NRDC: variants seen among roughly 807,000 people sequenced by gnomAD.
NRDC encodes nardilysin convertase, also known as nardilysin.
NRDC carries 54 observed loss-of-function variants against 147.1 expected under a neutral mutation model. That is an observed-to-expected ratio of 0.37 (90% CI 0.29 to 0.46). NRDC has a LOEUF of 0.46. Among genes scored for constraint, NRDC ranks in the 20% least tolerant of loss-of-function variants. The pLI is 1.00. For missense variants in NRDC, 1,082 were observed against 1,370.6 expected, an observed-to-expected ratio of 0.79 and a Z score of 3.33; for synonymous variants, 440 against 482.1, an observed-to-expected ratio of 0.91 and a Z score of 1.14.
In NRDC at chr1:51,840,595, T is replaced by A. The variant is rs761100195; in HGVS notation, c.342-81A>T. ...ACAAGTAATCAGCTTAGCAGAATTT[T>A]AAAAAAAGAATCCAAGTAAAAGTAC... On this transcript the variant is annotated intron_variant, in intron 1 of 30. Coordinates refer to ENST00000352171, the MANE Select transcript of NRDC (RefSeq NM_001101662.2). 3.5e-4 allele frequency: 335 copies of A among 952,254 alleles called. 1 individual carries two copies. The highest frequency in any genetic ancestry group is 4.1e-4 in the Non-Finnish European group (264 of 639,216). The allele number at this position is 952,254 out of a possible 1,614,324, so 59.0% of individuals were successfully genotyped here.
rs529166280 is a variant in NRDC, at chr1:51,846,543, G to GT, written c.342-6030dup. The stretch of plus-strand genomic sequence containing the variant: ...GTGTTACAGTTCTTAAAAGCGGCTT[G>GT]TTTGGAGTTTGTTCTTTCCAATGTT... On this transcript the variant is annotated intron_variant, in intron 1 of 30. Transcript: ENST00000352171. Among the ~76,000 whole-genome samples the GT allele has an allele frequency of 3.0e-4, 45 of 152,388 alleles. No homozygotes were observed. In the South Asian group the frequency reaches 8.5e-3, roughly 29 times the overall value.
chr1:51,826,636 G>A (rs1404899415), intron 5 of NRDC, among the ~76,000 whole-genome samples: 3 of 152,060 alleles, frequency 2.0e-5, no homozygotes, highest in Non-Finnish European at 2.9e-5. Context: ...TTTATCAGCC[G>A]GGCGCAGTGG....
intron 1 of NRDC, among the ~76,000 whole-genome samples, chr1:51,873,695 G>T (rs1181964875): frequency 6.6e-6 from 1 of 151,196 alleles, no homozygotes; most frequent in Non-Finnish European, 1.5e-5. Flanking sequence ...ATTTTTAGTA[G>T]CGACAGGGTT....
At chr1:51,861,137 A>G (rs1682511262) in intron 1 of NRDC, among the ~76,000 whole-genome samples, 1 of 151,572 alleles carries the variant, frequency 6.6e-6, no homozygotes, top group Non-Finnish European at 1.5e-5. Flanking sequence ...TTTAGCAGAG[A>G]TGGGGTTTCA....
chr1:51,803,916 C>T lies in NRDC; in HGVS notation c.2211G>A (p.Ala737=). 2 of 1,613,144 alleles carry T rather than the reference C, an allele frequency of 1.2e-6. No individual in the cohort carries two copies. The highest frequency in any genetic ancestry group is 1.7e-6 in the Non-Finnish European group (2 of 1,179,462). Residue 737 remains alanine (A), a synonymous_variant, in exon 20 of 31, where the codon GCG becomes GCA. Transcript: ENST00000352171. ...CCACATCTGCTTCATAAGCTGGTTC[C>T]GCAAGGTTATGCGTAAGGATATTGA... ...IFVNILTHNL[A]EPAYEADVAQ...
intron 22 of NRDC, among the ~76,000 whole-genome samples, chr1:51,796,629 C>T (rs2149188399): frequency 6.6e-6 from 1 of 151,844 alleles, no homozygotes; most frequent in South Asian, 2.1e-4. Flanking sequence ...ACTCTGTCGC[C>T]CAGGCTGGAG....
intron 1 of NRDC, among the ~76,000 whole-genome samples, chr1:51,849,401 C>G (rs1178850028): frequency 6.6e-6 from 1 of 151,574 alleles, no homozygotes; most frequent in Non-Finnish European, 1.5e-5. Context: ...GGCGACAGGG[C>G]AAGACTCCTT....
At chr1:51,831,722 GCC>G (rs1369482143) in intron 4 of NRDC, among the ~76,000 whole-genome samples, 1 of 151,784 alleles carries the variant, frequency 6.6e-6, no homozygotes, top group Non-Finnish European at 1.5e-5. Context: ...GGGATTACAG[GCC>G]TGCGCCACCA....
chr1:51,843,358 C>G (rs1681369595), intron 1 of NRDC, among the ~76,000 whole-genome samples: 1 of 148,102 alleles, frequency 6.8e-6, no homozygotes, highest in African/African-American at 2.5e-5. Flanking sequence ...TGGAAGAACA[C>G]AAGTTAACCA....
At chr1:51,832,101 C>T (rs1680741508) in intron 4 of NRDC, among the ~76,000 whole-genome samples, 1 of 151,856 alleles carries the variant, frequency 6.6e-6, no homozygotes, top group African/African-American at 2.4e-5. Context: ...GGCTGGAGTG[C>T]TATGGCATGA....
At position 51,840,472 on chromosome 1, in the gene NRDC, T is replaced by A. The variant is rs1226034847; in HGVS notation, c.384A>T (p.Ser128=). ...TTTTACCTTCCATATTACTTAGGTCTGAAATCAGAAGTGCCTGCAAGCCAT... is the reference window on the plus strand; with the variant it reads ...TTTTACCTTCCATATTACTTAGGTCAGAAATCAGAAGTGCCTGCAAGCCAT... ...LQNGLQALLI[S]DLSNMEGKTG... The change falls in exon 2 of 31, where the codon TCA becomes TCT. Residue 128 remains serine, a synonymous_variant. Coordinates refer to ENST00000352171, the MANE Select transcript of NRDC (RefSeq NM_001101662.2). 1.9e-6 allele frequency: 3 copies of A among 1,611,698 alleles called. No homozygotes were observed. Among genetic ancestry groups the A allele is most frequent in the Non-Finnish European group, 2.5e-6 (3 of 1,179,216 alleles).
chr1:51,846,646 G>T (rs148329843), intron 1 of NRDC, among the ~76,000 whole-genome samples: 3 of 152,288 alleles, frequency 2.0e-5, no homozygotes, highest in African/African-American at 7.2e-5. Context: ...AGACCTTCAG[G>T]GTGAGTGTTA....
Position 51,800,650 on chromosome 1 carries a change from C to G in NRDC, c.2347G>C (p.Glu783Gln), listed in dbSNP as rs1222473884. ...LFQLIIDYLA[E>Q]FNSTPAVFTM... ...AAGACAGCTGGTGTGGAATTGAACT[C>G]AGCTAAGTAGTCAATAATGAGCTGA... The change falls in exon 21 of 31, where the codon GAG becomes CAG. Residue 783 changes from glutamate to glutamine, a missense_variant. Glu to Gln is a conservative substitution (Grantham distance 29, BLOSUM62 2). Transcript: ENST00000352171. The G allele has an allele frequency of 6.2e-7, 1 of 1,613,900 alleles. No homozygotes were observed. The highest frequency in any genetic ancestry group is 1.7e-5 in the Admixed American group (1 of 59,970).
Position 51,798,307 on chromosome 1 carries a change from T to C in NRDC, c.2546A>G (p.Lys849Arg), listed in dbSNP as rs376873752. ...CACAAAGAGCTGGGATTTGAATTCTTTGACGAAGCTCAGCAGAGACTCAAG... is the reference window on the plus strand; with the variant it reads ...CACAAAGAGCTGGGATTTGAATTCTCTGACGAAGCTCAGCAGAGACTCAAG... ...LSLESLLSFV[K>R]EFKSQLFVEG... Residue 849 changes from lysine (K) to arginine (R), a missense_variant, in exon 22 of 31, where the codon AAA becomes AGA. Lys to Arg is a conservative substitution (Grantham distance 26). This residue lies in a region of NRDC where 635 missense variants were observed against 923.8 expected (regional missense o/e 0.69). Coordinates refer to ENST00000352171, the MANE Select transcript of NRDC (RefSeq NM_001101662.2). 9.3e-6 allele frequency: 15 copies of C among 1,614,072 alleles called. No homozygotes were observed. The highest frequency in any genetic ancestry group is 1.3e-5 in the Non-Finnish European group (15 of 1,180,034).
At chr1:51,813,965 G>C in intron 14 of NRDC, 70 bp downstream of exon 14, 1 of 1,010,260 alleles carries the variant, frequency 9.9e-7, no homozygotes, top group Non-Finnish European at 1.5e-6. Context: ...CTTTCAAAAA[G>C]AGGAACAATG....
Position 51,834,101 on chromosome 1 carries a change from C to A in NRDC, c.782G>T (p.Gly261Val). 1 of 1,614,004 alleles carries A rather than the reference C, an allele frequency of 6.2e-7. No homozygotes were observed. Among genetic ancestry groups the A allele is most frequent in the South Asian group, 1.1e-5 (1 of 91,074 alleles). ...ACAATCAGTTGAGGCATTATCACTA[C>A]CCCCATGCTTCTTCAGGAAGGCATC... is the stretch of plus-strand genomic sequence containing the variant. Reference protein sequence around the residue: ...GFDAFLKKHGGSDNASTDCER... With the variant: ...GFDAFLKKHGVSDNASTDCER... The change falls in exon 4 of 31, where the codon GGT becomes GTT. Residue 261 changes from glycine (G) to valine (V), a missense_variant. Gly to Val is a moderately radical substitution (Grantham distance 109). This residue lies in a region of NRDC where 635 missense variants were observed against 923.8 expected (regional missense o/e 0.69). Transcript: ENST00000352171.
At position 51,794,619 on chromosome 1, in the gene NRDC, G is replaced by C. The variant is rs766572185; in HGVS notation, c.2637-9C>G. On this transcript the variant is annotated splice_polypyrimidine_tract_variant and intron_variant, in intron 23 of 30. Coordinates refer to ENST00000352171, the MANE Select transcript of NRDC (RefSeq NM_001101662.2). ...GCTTGAAGTTTAGTTTGCTGCAAGA[G>C]AATCAGTATGGGTCACTGAGGCACC... The C allele has an allele frequency of 6.2e-6, 10 of 1,613,870 alleles. No homozygotes were observed. In the African/African-American group the frequency reaches 8.0e-5, roughly 13 times the overall value.
rs1683457495 is a variant in NRDC, at chr1:51,878,701, GCT to G, written c.-88_-87del. On this transcript the variant is annotated 5_prime_UTR_variant, in exon 1 of 31. Coordinates refer to ENST00000352171, the MANE Select transcript of NRDC (RefSeq NM_001101662.2). ...AGAGGCGGTGGCGGCCGGCCCTGGT[GCT>G]GCCGCAGCCGCGGGGAACAGGCCTG... 6 of 1,214,376 alleles carry G rather than the reference GCT, an allele frequency of 4.9e-6. No individual in the cohort carries two copies. Among genetic ancestry groups the G allele is most frequent in the Non-Finnish European group, 6.9e-6 (6 of 863,430 alleles). The allele number at this position is 1,214,376 out of a possible 1,614,324, so 75.2% of individuals were successfully genotyped here. A position where few individuals can be genotyped will look rare whatever the true frequency, so the allele number is the denominator to read the frequency against.
At chr1:51,852,542 T>A (rs1282471369) in intron 1 of NRDC, among the ~76,000 whole-genome samples, 1 of 40 alleles carries the variant, frequency 0.025, no homozygotes, top group Non-Finnish European at 0.062. Context: ...CTATAGTTTA[T>A]ATATATAGTT....
Sources: gnomAD v4.1 joint callset for allele counts (sites outside exome capture counted in the v4.1 genomes callset) on GRCh38, gnomAD v4.1.1 for gene constraint, gnomAD v4.1.1 regional missense constraint, MANE v1.5 for transcripts, NCBI Gene and HGNC (gene_info 2026-07-23, HGNC 2026-07-21) for gene names.